The following KIAA0825 variants were observed in gnomAD, a reference collection of about 807,000 sequenced individuals.
The protein encoded by KIAA0825 is uncharacterized protein KIAA0825.
KIAA0825 carries 119 observed loss-of-function variants against 147.6 expected under a neutral mutation model. That is an observed-to-expected ratio of 0.81 (90% CI 0.69 to 0.94). KIAA0825 has a LOEUF of 0.94. KIAA0825 is among the 40% of genes least tolerant of loss of function. The probability of loss-of-function intolerance (pLI) is 0.00; values close to 1 mark genes in which losing one functional copy is unlikely to be tolerated. For missense variants in KIAA0825, 1,381 were observed against 1,472.7 expected (o/e 0.94, Z 1.02); for synonymous variants, 470 against 518.1 (o/e 0.91, Z 1.26).
At chr5:94,205,297 A>T (rs1772072871) in intron 20 of KIAA0825, among the ~76,000 whole-genome samples, 1 of 142,314 alleles carries the variant, frequency 7.0e-6, no homozygotes. Context: ...ATATATATAT[A>T]TATTTTGTTT....
intron 20 of KIAA0825, among the ~76,000 whole-genome samples, chr5:94,260,502 G>A (rs1458261239): frequency 6.6e-6 from 1 of 152,102 alleles, no homozygotes; most frequent in Non-Finnish European, 1.5e-5. Context: ...TAACATCAGG[G>A]AGTTGTCCAG....
chr5:94,595,149 C>T (rs1463666019), intron 1 of KIAA0825, among the ~76,000 whole-genome samples: 1 of 152,144 alleles, frequency 6.6e-6, no homozygotes, highest in Non-Finnish European at 1.5e-5. Context: ...AGGTAGTCCC[C>T]CAGTGGGGAC....
rs1286965711 is a variant in KIAA0825 at position 94,340,129 on chromosome 5, G to T, written c.3710+44239C>A. On this transcript the variant is annotated intron_variant, in intron 20 of 20. Transcript: ENST00000682413. ...TATACAGTTGTTTTTTGATATCCAT[G>T]GGGGATTGGTTCCAGGATCCTCTTG... Among the ~76,000 whole-genome samples the T allele has an allele frequency of 2.0e-5, 3 of 152,038 alleles. No individual in the cohort carries two copies. In the East Asian group the frequency reaches 5.8e-4, roughly 29 times the overall value.
At chr5:94,292,240 C>T (rs959880155) in intron 20 of KIAA0825, among the ~76,000 whole-genome samples, 4 of 151,952 alleles carry the variant, frequency 2.6e-5, no homozygotes, top group African/African-American at 7.2e-5. Flanking sequence ...TACTGGCTGT[C>T]GGTTTGTCAT....
chr5:94,458,865 A>G (rs1240163898), intron 12 of KIAA0825, among the ~76,000 whole-genome samples: 2 of 152,116 alleles, frequency 1.3e-5, no homozygotes, highest in East Asian at 3.9e-4. Context: ...CACTTAAAGT[A>G]TACAATTAGA....
At chr5:94,287,323 A>T (rs1030284028) in intron 20 of KIAA0825, among the ~76,000 whole-genome samples, 1 of 152,118 alleles carries the variant, frequency 6.6e-6, no homozygotes, top group Non-Finnish European at 1.5e-5. Context: ...TGCTATCTTA[A>T]AATATGAAGA....
chr5:94,489,587 AC>A lies in KIAA0825; in HGVS notation c.971-4658del, dbSNP rs368915596. ...CAGTGACTTAAAAAAAAAAAAAAAA[AC>A]AAACTCCACTTTTTTGGCTAGACAT... is the stretch of plus-strand genomic sequence containing the variant. On this transcript the variant is annotated intron_variant, in intron 5 of 20. Coordinates refer to ENST00000682413, the MANE Select transcript of KIAA0825 (RefSeq NM_001145678.3). Among the ~76,000 whole-genome samples, 213 of 150,244 alleles carry A rather than the reference AC, an allele frequency of 1.4e-3. 1 individual carries two copies. Among genetic ancestry groups the A allele is most frequent in the Admixed American group, 2.7e-3 (40 of 15,022 alleles).
At chr5:94,172,307 C>A (rs1463244238) in intron 20 of KIAA0825, among the ~76,000 whole-genome samples, 4 of 152,060 alleles carry the variant, frequency 2.6e-5, no homozygotes, top group Admixed American at 6.6e-5. Flanking sequence ...GACTGATGGC[C>A]CCAGGGCTTA....
At chr5:94,380,814 C>T (rs1164514092) in intron 20 of KIAA0825, among the ~76,000 whole-genome samples, 1 of 152,282 alleles carries the variant, frequency 6.6e-6, no homozygotes, top group East Asian at 1.9e-4. Flanking sequence ...CATCATGAAT[C>T]GGAAGGAGAT....
At chr5:94,310,570 A>G (rs926986593) in intron 20 of KIAA0825, among the ~76,000 whole-genome samples, 1 of 151,680 alleles carries the variant, frequency 6.6e-6, no homozygotes, top group African/African-American at 2.4e-5. Flanking sequence ...TGGGAAAACA[A>G]TAGAACATAA....
At chr5:94,447,738 AT>A in intron 13 of KIAA0825, among the ~76,000 whole-genome samples, 1 of 152,284 alleles carries the variant, frequency 6.6e-6, no homozygotes, top group Non-Finnish European at 1.5e-5. Flanking sequence ...ATAGCTTAAT[AT>A]TTTTAGGGAG....
intron 20 of KIAA0825, among the ~76,000 whole-genome samples, chr5:94,369,312 C>A (rs1166930789): frequency 6.6e-6 from 1 of 152,094 alleles, no homozygotes; most frequent in South Asian, 2.1e-4. Context: ...TGGGCCTAAT[C>A]CATTCTGATG....
At chr5:94,584,910 T>A (rs923972479) in intron 1 of KIAA0825, among the ~76,000 whole-genome samples, 4 of 152,150 alleles carry the variant, frequency 2.6e-5, no homozygotes, top group Non-Finnish European at 2.9e-5. Context: ...AAAATAATTT[T>A]CAACCCAGAA....
intron 18 of KIAA0825, among the ~76,000 whole-genome samples, chr5:94,389,926 C>T (rs1173879195): frequency 2.0e-5 from 3 of 152,210 alleles, no homozygotes; most frequent in Non-Finnish European, 4.4e-5. Context: ...AAATACTTAG[C>T]TCTATATCCC....
intron 20 of KIAA0825, among the ~76,000 whole-genome samples, chr5:94,256,981 G>A (rs1776281330): frequency 6.6e-6 from 1 of 151,838 alleles, no homozygotes; most frequent in Non-Finnish European, 1.5e-5. Context: ...CAATTTAGTT[G>A]TTTTATAAAT....
At chr5:94,420,193 A>G (rs946476726) in intron 14 of KIAA0825, among the ~76,000 whole-genome samples, 7 of 152,106 alleles carry the variant, frequency 4.6e-5, no homozygotes, top group African/African-American at 1.7e-4. Flanking sequence ...GAAGCGAGGC[A>G]ATCAACAGAG....
chr5:94,386,312 T>G lies in KIAA0825; in HGVS notation c.3549A>C (p.Glu1183Asp). 1.3e-6 allele frequency: 2 copies of G among 1,551,636 alleles called. No homozygotes were observed. The highest frequency in any genetic ancestry group is 1.7e-6 in the Non-Finnish European group (2 of 1,146,872). The change falls in exon 19 of 21, where the codon GAA (glutamate) becomes GAC (aspartate). Residue 1183 changes from glutamate (E) to aspartate (D), a missense_variant. Physicochemically the swap from Glu to Asp is conservative, Grantham distance 45. Transcript: ENST00000682413. The part of the protein sequence containing the change: ...RPLKTTLRSI[E>D]DQPSAFNPFH... ...AAGGGTTAAAGGCAGAAGGCTGATC[T>G]TCTATACTCCTCAAGGTCGTCTTTA...
intron 1 of KIAA0825, among the ~76,000 whole-genome samples, chr5:94,607,105 T>C (rs1030622619): frequency 6.6e-6 from 1 of 152,124 alleles, no homozygotes; most frequent in Non-Finnish European, 1.5e-5. Flanking sequence ...AAAACAAGAC[T>C]ATACCTTCTT....
At chr5:94,335,429 T>C (rs76733188) in intron 20 of KIAA0825, among the ~76,000 whole-genome samples, 2,236 of 152,252 alleles carry the variant, frequency 0.015, 63 homozygotes, top group African/African-American at 0.05. Flanking sequence ...GTGATGTTAC[T>C]GTTATTTCTC....
Sources: allele counts gnomAD v4.1 joint callset (sites outside exome capture counted in the v4.1 genomes callset), GRCh38; gene constraint gnomAD v4.1.1; transcripts MANE v1.5; gene names NCBI Gene and HGNC (gene_info 2026-07-23, HGNC 2026-07-21).